ASIC2: variants seen among roughly 807,000 people sequenced by gnomAD.
ASIC2 encodes acid-sensing ion channel 2.
Under a neutral mutation model 57.3 loss-of-function variants are expected in ASIC2, and 25 were observed. The ratio of observed to expected loss-of-function variants is 0.44; its 90% CI spans 0.32 to 0.61. ASIC2 has a LOEUF of 0.61. ASIC2 is among the 20% of genes least tolerant of loss of function. ASIC2 has a pLI of 0.06. For synonymous variants in ASIC2, 319 were observed against 307.5 expected (o/e 1.04, Z -0.39); for missense variants, 641 against 738.1 (o/e 0.87, Z 1.52).
At chr17:33,325,551 C>T (rs1317081351) in intron 1 of ASIC2, among the ~76,000 whole-genome samples, 1 of 152,132 alleles carries the variant, frequency 6.6e-6, no homozygotes, top group East Asian at 1.9e-4. Flanking sequence ...ATGCAGTCAA[C>T]ATCAAGATCA....
chr17:33,307,016 G>A (rs1906206909), intron 1 of ASIC2, among the ~76,000 whole-genome samples: 1 of 151,998 alleles, frequency 6.6e-6, no homozygotes, highest in African/African-American at 2.4e-5. Context: ...AAAACTCCAG[G>A]AAGTTCTGGG....
intron 1 of ASIC2, among the ~76,000 whole-genome samples, chr17:33,908,196 T>C (rs1915391286): frequency 6.6e-6 from 1 of 152,242 alleles, no homozygotes; most frequent in African/African-American, 2.4e-5. Flanking sequence ...CATGGTCACG[T>C]TGAGTGGGCA....
At chr17:33,752,925 T>C (rs886567462) in intron 1 of ASIC2, among the ~76,000 whole-genome samples, 9 of 152,218 alleles carry the variant, frequency 5.9e-5, no homozygotes, top group Non-Finnish European at 1.2e-4. Flanking sequence ...TCTTACCATA[T>C]AATCCAGCAA....
chr17:33,442,622 C>A (rs1016961298), intron 1 of ASIC2, among the ~76,000 whole-genome samples: 3 of 151,888 alleles, frequency 2.0e-5, no homozygotes, highest in African/African-American at 4.8e-5. Context: ...ATATCATGCG[C>A]CTTTGCTAAA....
chr17:34,122,583 C>A (rs996987325), intron 1 of ASIC2, among the ~76,000 whole-genome samples: 4 of 152,222 alleles, frequency 2.6e-5, no homozygotes, highest in African/African-American at 9.6e-5. Flanking sequence ...GGAATGAACA[C>A]AAATGTTATA....
chr17:33,954,836 C>T (rs748077121), intron 1 of ASIC2, among the ~76,000 whole-genome samples: 29 of 152,254 alleles, frequency 1.9e-4, no homozygotes, highest in African/African-American at 2.9e-4. Context: ...GCCCGGTTTG[C>T]GCCTTTCTTG....
chr17:33,291,372 C>T (rs1257585685), intron 1 of ASIC2, 36 bp downstream of exon 1: 2 of 1,563,772 alleles, frequency 1.3e-6, no homozygotes, highest in Admixed American at 1.8e-5. Context: ...GGGAGTGGGG[C>T]GCAGAGGGAG....
chr17:33,292,178 T>C lies in ASIC2; in HGVS notation c.-63A>G. 1 of 1,012,902 alleles carries C rather than the reference T, an allele frequency of 9.9e-7. No homozygotes were observed. The highest frequency in any genetic ancestry group is 1.2e-6 in the Non-Finnish European group (1 of 850,674). 62.7% of individuals were successfully genotyped at this position (1,012,902 alleles called of 1,614,324 possible). On this transcript the variant is annotated 5_prime_UTR_variant, in exon 1 of 10. Coordinates refer to ENST00000225823, the MANE Select transcript of ASIC2 (RefSeq NM_183377.2). ...CGGCCGGGCGGAGCCGCCATGGGAG[T>C]CCGCAGCAGCAGTGGAAGCAGCAGC...
chr17:33,874,313 T>A (rs939727216), intron 1 of ASIC2, among the ~76,000 whole-genome samples: 4 of 152,204 alleles, frequency 2.6e-5, no homozygotes, highest in Non-Finnish European at 5.9e-5. Context: ...GGCTGCCGGA[T>A]AAAATACAGG....
intron 1 of ASIC2, among the ~76,000 whole-genome samples, chr17:33,787,807 T>G (rs1911652222): frequency 6.6e-6 from 1 of 152,102 alleles, no homozygotes; most frequent in Non-Finnish European, 1.5e-5. Flanking sequence ...TAATCCTCAG[T>G]GTTGGAGGTG....
At chr17:33,269,636 T>C (rs1597659256) in intron 1 of ASIC2, among the ~76,000 whole-genome samples, 1 of 64,542 alleles carries the variant, frequency 1.5e-5, no homozygotes, top group South Asian at 7.4e-4. Flanking sequence ...CCTTCCTTCC[T>C]TCCTTCCTTC....
chr17:33,812,310 A>C (rs1912445715), intron 1 of ASIC2, among the ~76,000 whole-genome samples: 1 of 152,154 alleles, frequency 6.6e-6, no homozygotes, highest in Admixed American at 6.5e-5. Flanking sequence ...CAACAAGACA[A>C]CGGCTTTGAA....
At chr17:33,044,123 T>G (rs560417475) in intron 3 of ASIC2, among the ~76,000 whole-genome samples, 1 of 152,286 alleles carries the variant, frequency 6.6e-6, no homozygotes, top group Non-Finnish European at 1.5e-5. Flanking sequence ...TCTTGGGCCT[T>G]GCTGGCTCTA....
chr17:33,777,907 C>G (rs1394246033), intron 1 of ASIC2, among the ~76,000 whole-genome samples: 1 of 152,208 alleles, frequency 6.6e-6, no homozygotes, highest in Non-Finnish European at 1.5e-5. Flanking sequence ...CTCTTGACTT[C>G]CCATTGCCCT....
intron 1 of ASIC2, among the ~76,000 whole-genome samples, chr17:33,941,334 G>C (rs1415073144): frequency 6.6e-6 from 1 of 152,214 alleles, no homozygotes; most frequent in Non-Finnish European, 1.5e-5. Context: ...ATCCCAGTGG[G>C]ATCCTGCAGG....
intron 1 of ASIC2, among the ~76,000 whole-genome samples, chr17:33,759,699 C>T (rs149505676): frequency 6.6e-6 from 1 of 152,298 alleles, no homozygotes; most frequent in African/African-American, 2.4e-5. Context: ...GGGCTCTGCT[C>T]CCTTCACCCC....
intron 1 of ASIC2, among the ~76,000 whole-genome samples, chr17:33,960,366 A>G (rs1437310715): frequency 2.6e-5 from 4 of 152,122 alleles, no homozygotes; most frequent in Non-Finnish European, 5.9e-5. Flanking sequence ...CTTTCTCTCA[A>G]ACCACTTTGA....
At chr17:33,289,249 C>G (rs1905319008) in intron 1 of ASIC2, among the ~76,000 whole-genome samples, 1 of 152,152 alleles carries the variant, frequency 6.6e-6, no homozygotes, top group African/African-American at 2.4e-5. Flanking sequence ...CGCAGGGACT[C>G]AGAGTACAGG....
At chr17:33,094,275 A>T (rs1364285668) in intron 2 of ASIC2, among the ~76,000 whole-genome samples, 2 of 152,092 alleles carry the variant, frequency 1.3e-5, no homozygotes, top group East Asian at 3.9e-4. Flanking sequence ...TTGCTGGGTC[A>T]CTGTGGGTTA....
Sources: gnomAD v4.1 joint callset for allele counts (sites outside exome capture counted in the v4.1 genomes callset) on GRCh38, gnomAD v4.1.1 for gene constraint, MANE v1.5 for transcripts, NCBI Gene and HGNC (gene_info 2026-07-23, HGNC 2026-07-21) for gene names.